Variants in PAPPA2 observed in about 807,000 individuals in gnomAD.
PAPPA2 encodes the protein pappalysin-2.
In PAPPA2, 86 loss-of-function variants were observed where a neutral mutation model predicts 176.4. The ratio of observed to expected loss-of-function variants is 0.49; its 90% CI spans 0.41 to 0.58. The LOEUF is 0.58. Among genes scored for constraint, PAPPA2 ranks in the 20% least tolerant of loss-of-function variants. PAPPA2 has a pLI of 0.00. For missense variants in PAPPA2, 2,073 were observed against 2,256.9 expected (o/e 0.92, Z 1.65); for synonymous variants, 809 against 852.2 (o/e 0.95, Z 0.88).
chr1:176,834,830 T>C (rs1667210860), intron 21 of PAPPA2, among the ~76,000 whole-genome samples: 1 of 151,986 alleles, frequency 6.6e-6, no homozygotes, highest in African/African-American at 2.4e-5. Context: ...AATTAGCCAG[T>C]TGTGGTGGCT....
At chr1:176,764,804 G>A (rs1275997001) in intron 14 of PAPPA2, among the ~76,000 whole-genome samples, 2 of 152,110 alleles carry the variant, frequency 1.3e-5, no homozygotes, top group South Asian at 2.1e-4. Context: ...CACCGTGTTA[G>A]CCAGGACAGT....
intron 2 of PAPPA2, among the ~76,000 whole-genome samples, chr1:176,582,240 A>G (rs189199119): frequency 6.6e-6 from 1 of 152,012 alleles, no homozygotes; most frequent in Non-Finnish European, 1.5e-5. Flanking sequence ...GTTTTTCTTT[A>G]TGTAAGATCA....
chr1:176,626,192 C>T (rs1242190961), intron 3 of PAPPA2, among the ~76,000 whole-genome samples: 2 of 152,188 alleles, frequency 1.3e-5, no homozygotes, highest in Admixed American at 6.5e-5. Flanking sequence ...TGTCTGATTT[C>T]ACTCCTTCTC....
At chr1:176,573,931 G>C (rs1324929481) in intron 2 of PAPPA2, among the ~76,000 whole-genome samples, 2 of 151,808 alleles carry the variant, frequency 1.3e-5, no homozygotes, top group African/African-American at 4.8e-5. Flanking sequence ...ATGTATGTGT[G>C]TGTGTGTTGG....
chr1:176,645,908 C>T (rs1342891338), intron 3 of PAPPA2, among the ~76,000 whole-genome samples: 5 of 151,466 alleles, frequency 3.3e-5, no homozygotes, highest in East Asian at 2.0e-4. Flanking sequence ...AGGTTTATTC[C>T]GGTTTTTTGC....
chr1:176,786,430 C>T (rs1469182355), intron 17 of PAPPA2, among the ~76,000 whole-genome samples: 4 of 152,152 alleles, frequency 2.6e-5, no homozygotes, highest in African/African-American at 9.7e-5. Flanking sequence ...TAGACATGTT[C>T]TGTATCTTGA....
In PAPPA2 at chr1:176,698,988, C is replaced by T. The variant is rs970081297; in HGVS notation, c.2747-112C>T. The stretch of plus-strand genomic sequence containing the variant: ...AACCTGCTAAGATGACCAACTTCTA[C>T]AGGAATTCTAAAAGTTCTCTCCATA... On this transcript the variant is annotated intron_variant, in intron 7 of 22. Coordinates refer to ENST00000367662, the MANE Select transcript of PAPPA2 (RefSeq NM_020318.3). 1.1e-5 allele frequency: 15 copies of T among 1,358,232 alleles called. No homozygotes were observed. The Admixed American group carries it at 2.7e-4, about 25-fold the overall frequency. The allele number at this position is 1,358,232 out of a possible 1,614,324, so 84.1% of individuals were successfully genotyped here.
chr1:176,551,513 G>GCT (rs1226544853), intron 1 of PAPPA2, among the ~76,000 whole-genome samples: 2 of 151,930 alleles, frequency 1.3e-5, no homozygotes, highest in African/African-American at 4.8e-5. Flanking sequence ...TCTTGCTCTC[G>GCT]CTCTCTCTCT....
At chr1:176,767,282 A>G (rs1664017909) in intron 15 of PAPPA2, among the ~76,000 whole-genome samples, 1 of 152,260 alleles carries the variant, frequency 6.6e-6, no homozygotes, top group Non-Finnish European at 1.5e-5. Flanking sequence ...ATTCAAAACA[A>G]AATGGACAGT....
intron 14 of PAPPA2, among the ~76,000 whole-genome samples, chr1:176,761,846 A>G (rs965318734): frequency 1.3e-5 from 2 of 152,236 alleles, no homozygotes; most frequent in South Asian, 2.1e-4. Flanking sequence ...TCTCTGGGGC[A>G]TTGTAAGGCT....
intron 12 of PAPPA2, among the ~76,000 whole-genome samples, chr1:176,726,828 G>T (rs1487342608): frequency 6.6e-6 from 1 of 152,174 alleles, no homozygotes; most frequent in Non-Finnish European, 1.5e-5. Context: ...CACCATCTGT[G>T]AGCGAGAATG....
chr1:176,664,715 T>C (rs897027678), intron 3 of PAPPA2, among the ~76,000 whole-genome samples: 30 of 152,204 alleles, frequency 2.0e-4, no homozygotes, highest in African/African-American at 7.2e-4. Flanking sequence ...CTCAAGTTCT[T>C]ACAACACAAA....
At chr1:176,800,031 G>C (rs774619750) in intron 20 of PAPPA2, 30 bp from the exon 21 acceptor site, 27 of 1,612,966 alleles carry the variant, frequency 1.7e-5, no homozygotes, top group Non-Finnish European at 2.3e-5. Context: ...CTTTAATTTT[G>C]TTTTCTGTTT....
chr1:176,682,847 G>A (rs930460446), intron 4 of PAPPA2, among the ~76,000 whole-genome samples: 3 of 151,974 alleles, frequency 2.0e-5, no homozygotes, highest in African/African-American at 7.3e-5. Flanking sequence ...AGCATGTTTT[G>A]AGGAGCAGAG....
chr1:176,520,802 T>C (rs1362756596), intron 1 of PAPPA2, among the ~76,000 whole-genome samples: 7 of 152,074 alleles, frequency 4.6e-5, no homozygotes, highest in African/African-American at 1.7e-4. Context: ...TTCTAAGGCT[T>C]AAGGACCTGC....
chr1:176,791,561 T>C, intron 19 of PAPPA2, 79 bp downstream of exon 19: 1 of 1,503,694 alleles, frequency 6.7e-7, no homozygotes. Flanking sequence ...TTTAATTTTA[T>C]TTATTTTTGT....
intron 1 of PAPPA2, among the ~76,000 whole-genome samples, chr1:176,503,013 A>G (rs933458984): frequency 2.0e-5 from 3 of 152,178 alleles, no homozygotes; most frequent in African/African-American, 7.2e-5. Flanking sequence ...CGTGGTTTAA[A>G]ATGACACAAA....
At chr1:176,725,271 A>G (rs757504144) in intron 12 of PAPPA2, among the ~76,000 whole-genome samples, 1 of 152,204 alleles carries the variant, frequency 6.6e-6, no homozygotes, top group Non-Finnish European at 1.5e-5. Context: ...CACAGGCTGT[A>G]CAAAAACAGG....
intron 1 of PAPPA2, among the ~76,000 whole-genome samples, chr1:176,531,150 T>C (rs1343502196): frequency 6.6e-6 from 1 of 152,130 alleles, no homozygotes; most frequent in Non-Finnish European, 1.5e-5. Context: ...TAAACAGGAG[T>C]GTTCACACCA....
Sources: gnomAD v4.1 joint callset for allele counts (sites outside exome capture counted in the v4.1 genomes callset) on GRCh38, gnomAD v4.1.1 for gene constraint, MANE v1.5 for transcripts, NCBI Gene and HGNC (gene_info 2026-07-23, HGNC 2026-07-21) for gene names.